The following TMBIM4 variants were observed in gnomAD, a reference collection of about 807,000 sequenced individuals.
TMBIM4 encodes the protein protein lifeguard 4.
TMBIM4 carries 28 observed loss-of-function variants against 27.7 expected under a neutral mutation model. The ratio of observed to expected loss-of-function variants is 1.01; its 90% CI spans 0.75 to 1.38. TMBIM4 has a LOEUF of 1.38. Among genes scored for constraint, TMBIM4 ranks in the 40% most tolerant of loss-of-function variants. The pLI, the probability that TMBIM4 is intolerant of heterozygous loss-of-function variation, is 0.00. For missense variants in TMBIM4, 265 were observed against 277.5 expected, an observed-to-expected ratio of 0.95 and a Z score of 0.32; for synonymous variants, 115 against 113.1, an observed-to-expected ratio of 1.02 and a Z score of -0.11.
Position 66,169,879 on chromosome 12 carries a change from A to G in TMBIM4, c.73T>C (p.Ser25Pro). The change falls in exon 1 of 7, where the codon TCC becomes CCC. Residue 25 changes from serine (S) to proline (P), a missense_variant. Transcript: ENST00000358230. ...CCCATTCGGATGTGCACGGTGGCGG[A>G]GGCCACGCTGCTGCCATAGTTGAAG... ...DDFNYGSSVA[S>P]ATVHIRMAFL... 1 of 1,504,100 alleles carries G rather than the reference A, an allele frequency of 6.6e-7. No homozygotes were observed. Among genetic ancestry groups the G allele is most frequent in the Non-Finnish European group, 8.9e-7 (1 of 1,128,158 alleles). The allele number at this position is 1,504,100 out of a possible 1,614,324, so 93.2% of individuals were successfully genotyped here.
Position 66,169,901 on chromosome 12 carries a change from G to A in TMBIM4, c.51C>T (p.Phe17=). The change falls in exon 1 of 7, where the codon TTC becomes TTT. Residue 17 remains phenylalanine (F), a synonymous_variant. Coordinates refer to ENST00000358230, the MANE Select transcript of TMBIM4 (RefSeq NM_016056.4). ...CGGAGGCCACGCTGCTGCCATAGTT[G>A]AAGTCGTCCTCGATCGAGGAGCGAG... is the stretch of plus-strand genomic sequence containing the variant. ...RYPRSSIEDD[F]NYGSSVASAT... is the part of the protein sequence containing the mutation. The A allele has an allele frequency of 6.7e-7, 1 of 1,501,026 alleles. No homozygotes were observed. Among genetic ancestry groups the A allele is most frequent in the South Asian group, 1.3e-5 (1 of 79,246 alleles). 93.0% of individuals were successfully genotyped at this position (1,501,026 alleles called of 1,614,324 possible). A position where few individuals can be genotyped will look rare whatever the true frequency, so the allele number is the denominator to read the frequency against.
chr12:66,156,514 C>T (rs1592548482), intron 1 of TMBIM4, among the ~76,000 whole-genome samples: 1 of 134,646 alleles, frequency 7.4e-6, no homozygotes, highest in Non-Finnish European at 1.5e-5. Flanking sequence ...GAGGAACCTT[C>T]TGATTGGTCC....
At chr12:66,153,618 A>T (rs901521260) in intron 1 of TMBIM4, among the ~76,000 whole-genome samples, 170 bp from the exon 2 acceptor site, 57 of 152,262 alleles carry the variant, frequency 3.7e-4, no homozygotes, top group African/African-American at 1.2e-3. Context: ...CTTCCAAAAT[A>T]ATTTAAAAAT....
intron 1 of TMBIM4, chr12:66,160,272 T>C (rs771901040): frequency 2.6e-5 from 18 of 702,786 alleles, no homozygotes; most frequent in African/African-American, 3.5e-5. Flanking sequence ...TATCCTCATA[T>C]ATTGTTTGCT....
At chr12:66,141,199 G>C (rs1445492470) in intron 5 of TMBIM4, among the ~76,000 whole-genome samples, 1 of 152,002 alleles carries the variant, frequency 6.6e-6, no homozygotes, top group Non-Finnish European at 1.5e-5. Context: ...AAATACATTG[G>C]TGAACATAAA....
In TMBIM4 at chr12:66,149,444, CAAAAAAA is replaced by C. The variant is rs61425460; in HGVS notation, c.313-1510_313-1504del. 6.7e-4 allele frequency among the ~76,000 whole-genome samples: 50 copies of C among 74,476 alleles called. No individual in the cohort carries two copies. The South Asian group carries it at 0.022, about 33-fold the overall frequency. 48.9% of individuals were successfully genotyped at this position (74,476 alleles called of 152,430 possible). ...TGGGTGACAGAGAGAGACCCTGTCT[CAAAAAAA>C]AAAAAAAAAAAAAGAAAGAAAGAAA... On this transcript the variant is annotated intron_variant, in intron 3 of 6. Transcript: ENST00000358230.
At chr12:66,147,786 GCT>G in intron 4 of TMBIM4, 120 bp downstream of exon 4, 1 of 681,956 alleles carries the variant, frequency 1.5e-6, no homozygotes, top group East Asian at 3.0e-5. Flanking sequence ...TTTGTCCTAT[GCT>G]ATATTTCTGA....
intron 1 of TMBIM4, among the ~76,000 whole-genome samples, chr12:66,162,543 C>A (rs2052060055): frequency 6.6e-6 from 1 of 152,162 alleles, no homozygotes; most frequent in Non-Finnish European, 1.5e-5. Context: ...GGGGAAAACT[C>A]ATTTGGGGTG....
At chr12:66,166,103 C>T (rs2052121951) in intron 1 of TMBIM4, among the ~76,000 whole-genome samples, 1 of 152,160 alleles carries the variant, frequency 6.6e-6, no homozygotes, top group Non-Finnish European at 1.5e-5. Context: ...AGGTAAGCAT[C>T]TAATTTCATT....
intron 1 of TMBIM4, among the ~76,000 whole-genome samples, chr12:66,154,287 A>T (rs2051897892): frequency 6.6e-6 from 1 of 152,126 alleles, no homozygotes; most frequent in African/African-American, 2.4e-5. Context: ...GGAACCCTAA[A>T]CATACCATTA....
chr12:66,153,402 T>TA lies in TMBIM4; in HGVS notation c.143dup (p.Leu48PhefsTer13), dbSNP rs766603940. Reference sequence around the variant, plus strand: ...AAAAAACTGTTGAAGTCACTGTAGTTAAGAGAACCTGCAGAGAAAGAATGC... The same window carrying TA: ...AAAAAACTGTTGAAGTCACTGTAGTTAAAGAGAACCTGCAGAGAAAGAATGC... On this transcript the variant is annotated frameshift_variant, in exon 2 of 7. Coordinates refer to ENST00000358230, the MANE Select transcript of TMBIM4 (RefSeq NM_016056.4). LOFTEE classifies it high-confidence loss of function. 3 of 1,601,740 alleles carry TA rather than the reference T, an allele frequency of 1.9e-6. No individual in the cohort carries two copies. The South Asian group carries it at 3.4e-5, about 18-fold the overall frequency.
At chr12:66,158,281 A>C (rs1184087040) in intron 1 of TMBIM4, among the ~76,000 whole-genome samples, 1 of 152,032 alleles carries the variant, frequency 6.6e-6, no homozygotes, top group Non-Finnish European at 1.5e-5. Flanking sequence ...AATCAAAAAA[A>C]TACATAAAGA....
At chr12:66,139,233 T>C (rs1300904672) in intron 5 of TMBIM4, among the ~76,000 whole-genome samples, 1 of 152,244 alleles carries the variant, frequency 6.6e-6, no homozygotes, top group Non-Finnish European at 1.5e-5. Flanking sequence ...ACTTAATTGA[T>C]GGACACATCT....
intron 1 of TMBIM4, among the ~76,000 whole-genome samples, chr12:66,157,912 T>A (rs2051963009): frequency 6.6e-6 from 1 of 152,076 alleles, no homozygotes; most frequent in African/African-American, 2.4e-5. Flanking sequence ...ATAGAAGAGA[T>A]ACACAGCTAA....
At chr12:66,147,973 A>C in intron 3 of TMBIM4, 32 bp from the exon 4 acceptor site, 2 of 1,588,732 alleles carry the variant, frequency 1.3e-6, no homozygotes, top group Non-Finnish European at 1.7e-6. Flanking sequence ...TAGTGACTGT[A>C]AAATTTATAC....
chr12:66,149,780 G>A lies in TMBIM4; in HGVS notation c.313-1839C>T, dbSNP rs145360165. ...ACCAATGCTTAAAGTCTGAAATTTC[G>A]TGGTTGCATATTGCTTTGACACCAT... is the stretch of plus-strand genomic sequence containing the variant. On this transcript the variant is annotated intron_variant, in intron 3 of 6. Coordinates refer to ENST00000358230, the MANE Select transcript of TMBIM4 (RefSeq NM_016056.4). 5.2e-3 allele frequency among the ~76,000 whole-genome samples: 794 copies of A among 152,198 alleles called. 9 individuals are homozygous for A. The highest frequency in any genetic ancestry group is 0.017 in the Middle Eastern group (5 of 294).
Position 66,157,034 on chromosome 12 carries a change from G to A in TMBIM4, c.98-3586C>T, listed in dbSNP as rs187101367. Among the ~76,000 whole-genome samples, 340 of 152,036 alleles carry A rather than the reference G, an allele frequency of 2.2e-3. 3 individuals are homozygous for A. Among genetic ancestry groups the A allele is most frequent in the Middle Eastern group, 0.014 (4 of 294 alleles). ...ATTCCCCGCCTAAGTAGCCTTCTAG[G>A]TACTTTTTTCCTAATAGCCCCCTCA... On this transcript the variant is annotated intron_variant, in intron 1 of 6. Coordinates refer to ENST00000358230, the MANE Select transcript of TMBIM4 (RefSeq NM_016056.4).
chr12:66,169,786 G>A (rs947227320), intron 1 of TMBIM4, 69 bp downstream of exon 1: 18 of 1,244,808 alleles, frequency 1.4e-5, no homozygotes, highest in Non-Finnish European at 1.9e-5. Context: ...TCGGAAGCCG[G>A]AAGTCGGCTT....
intron 1 of TMBIM4, chr12:66,169,571 T>C (rs1289339013): frequency 6.5e-6 from 3 of 464,428 alleles, no homozygotes; most frequent in African/African-American, 2.0e-5. Context: ...TGTCCCTTCC[T>C]ACACCGCGGC....
Sources: allele counts gnomAD v4.1 joint callset (sites outside exome capture counted in the v4.1 genomes callset), GRCh38; gene constraint gnomAD v4.1.1; transcripts MANE v1.5; gene names NCBI Gene and HGNC (gene_info 2026-07-23, HGNC 2026-07-21).